The following GATAD2A variants were observed in gnomAD, a reference collection of about 807,000 sequenced individuals.
GATAD2A encodes transcriptional repressor p66-alpha.
Under a neutral mutation model 68.5 loss-of-function variants are expected in GATAD2A, and 12 were observed. The observed-to-expected ratio is 0.18, with a 90% confidence interval of 0.11 to 0.28. The LOEUF (loss-of-function observed/expected upper bound fraction) is 0.28, where lower values mean the gene tolerates loss of function less well. GATAD2A is among the 10% of genes least tolerant of loss of function. GATAD2A has a pLI of 1.00. For missense variants in GATAD2A, 755 were observed against 868.5 expected, an observed-to-expected ratio of 0.87 and a Z score of 1.64; for synonymous variants, 410 against 375.3, an observed-to-expected ratio of 1.09 and a Z score of -1.07.
In GATAD2A at chr19:19,505,880, C is replaced by T. The variant is rs1246965816; in HGVS notation, c.*406C>T. Reference sequence around the variant, plus strand: ...TGGGCAAGGCCAGCGCCCGGGGCTTCTGAACCGAGCGGGGTGTTTCATTTT... The same window carrying T: ...TGGGCAAGGCCAGCGCCCGGGGCTTTTGAACCGAGCGGGGTGTTTCATTTT... On this transcript the variant is annotated 3_prime_UTR_variant, in exon 12 of 12. Coordinates refer to ENST00000683918, the MANE Select transcript of GATAD2A (RefSeq NM_001384528.1). The T allele has an allele frequency of 2.5e-6, 1 of 400,402 alleles. No individual in the cohort carries two copies. Among genetic ancestry groups the T allele is most frequent in the African/African-American group, 2.1e-5 (1 of 48,632 alleles). The allele number at this position is 400,402 out of a possible 1,614,324, so 24.8% of individuals were successfully genotyped here.
chr19:19,390,522 T>C (rs1378756459), intron 1 of GATAD2A, among the ~76,000 whole-genome samples: 2 of 152,216 alleles, frequency 1.3e-5, no homozygotes, highest in Admixed American at 1.3e-4. Context: ...TTCTGTGTTC[T>C]GATACCAGAT....
At chr19:19,500,990 G>C in intron 8 of GATAD2A, 128 bp from the exon 9 acceptor site, 1 of 809,128 alleles carries the variant, frequency 1.2e-6, no homozygotes, top group Non-Finnish European at 2.0e-6. Context: ...TGTCATTGGT[G>C]CCCAGTAGGC....
At chr19:19,424,479 C>T (rs1053107291) in intron 1 of GATAD2A, among the ~76,000 whole-genome samples, 1 of 152,170 alleles carries the variant, frequency 6.6e-6, no homozygotes, top group East Asian at 1.9e-4. Context: ...GTCTGCCCCC[C>T]TCAGCCTCCC....
intron 8 of GATAD2A, among the ~76,000 whole-genome samples, chr19:19,500,195 T>C (rs2060433625): frequency 6.6e-6 from 1 of 152,184 alleles, no homozygotes; most frequent in African/African-American, 2.4e-5. Flanking sequence ...GCCCCCAGCC[T>C]CGCACCATGT....
intron 1 of GATAD2A, among the ~76,000 whole-genome samples, chr19:19,456,780 C>G (rs915778019): frequency 6.6e-6 from 1 of 152,162 alleles, no homozygotes; most frequent in Non-Finnish European, 1.5e-5. Flanking sequence ...TTGTACAGGT[C>G]CAGTGCTCCC....
At chr19:19,439,775 G>A (rs1410942297) in intron 1 of GATAD2A, among the ~76,000 whole-genome samples, 1 of 152,092 alleles carries the variant, frequency 6.6e-6, no homozygotes, top group Non-Finnish European at 1.5e-5. Context: ...TTGAACCCAG[G>A]AGGCGGAGGT....
At chr19:19,400,895 C>T (rs1468518747), upstream of GATAD2A, among the ~76,000 whole-genome samples, 1 of 152,078 alleles carries the variant, frequency 6.6e-6, no homozygotes, top group Non-Finnish European at 1.5e-5. Context: ...TGCCTGTAAT[C>T]CCAGCACTTT....
chr19:19,456,168 AAAAG>A (rs1216120727), intron 1 of GATAD2A, among the ~76,000 whole-genome samples: 3,647 of 139,072 alleles, frequency 0.026, 164 homozygotes, highest in African/African-American at 0.12. Flanking sequence ...AAAAAAAAAA[AAAAG>A]AGAGAAAAAG....
At chr19:19,422,936 C>T (rs1244470198) in intron 1 of GATAD2A, among the ~76,000 whole-genome samples, 1 of 152,142 alleles carries the variant, frequency 6.6e-6, no homozygotes, top group East Asian at 1.9e-4. Flanking sequence ...TGGTCTCGAT[C>T]TCCTGAACTC....
chr19:19,446,067 CTTTCCACTGT>C (rs2055678208), intron 1 of GATAD2A, among the ~76,000 whole-genome samples: 2 of 152,216 alleles, frequency 1.3e-5, no homozygotes, highest in African/African-American at 4.8e-5. Flanking sequence ...TACTGTTTTA[CTTTCCACTGT>C]TTTCCACGTC....
chr19:19,432,672 C>T (rs1404488002), intron 1 of GATAD2A, among the ~76,000 whole-genome samples: 5 of 152,156 alleles, frequency 3.3e-5, no homozygotes, highest in Admixed American at 2.0e-4. Flanking sequence ...GATGAAATGA[C>T]AGAACTAGGA....
chr19:19,455,109 A>G (rs1056011169), intron 1 of GATAD2A, among the ~76,000 whole-genome samples: 12 of 152,218 alleles, frequency 7.9e-5, no homozygotes, highest in Middle Eastern at 3.4e-3. Context: ...AATTCTAGCT[A>G]CTTGGGAGGC....
chr19:19,437,702 T>A (rs141412314), intron 1 of GATAD2A, among the ~76,000 whole-genome samples: 123 of 152,372 alleles, frequency 8.1e-4, no homozygotes, highest in African/African-American at 2.8e-3. Context: ...GCCTTTTGCG[T>A]CTGCCTTCTG....
intron 1 of GATAD2A, among the ~76,000 whole-genome samples, chr19:19,462,360 G>T (rs1487261528): frequency 6.6e-6 from 1 of 152,222 alleles, no homozygotes; most frequent in Admixed American, 6.5e-5. Flanking sequence ...AGTGGAGGAG[G>T]CTCCTGCCAA....
At chr19:19,407,201 T>C (rs7249940) in intron 1 of GATAD2A, among the ~76,000 whole-genome samples, 5,346 of 152,336 alleles carry the variant, frequency 0.035, 328 homozygotes, top group African/African-American at 0.12. Context: ...GTTGACTGAC[T>C]TAACTCTTCT....
chr19:19,453,778 G>A (rs1394280769), intron 1 of GATAD2A, among the ~76,000 whole-genome samples: 1 of 151,520 alleles, frequency 6.6e-6, no homozygotes, highest in Admixed American at 6.6e-5. Context: ...CTGGGTTCAA[G>A]CAGTTCTCCC....
chr19:19,427,823 G>C (rs1568275446), intron 1 of GATAD2A: 1 of 152,098 alleles, frequency 6.6e-6, no homozygotes, highest in African/African-American at 2.4e-5. Flanking sequence ...ACAGGCGTGC[G>C]TCACCACACC....
intron 2 of GATAD2A, among the ~76,000 whole-genome samples, chr19:19,467,426 G>A (rs1258810625): frequency 6.6e-6 from 1 of 152,108 alleles, no homozygotes; most frequent in Non-Finnish European, 1.5e-5. Flanking sequence ...ATGCTTGCTT[G>A]CTGCCACTGT....
At chr19:19,488,206 G>A (rs989180587) in intron 2 of GATAD2A, among the ~76,000 whole-genome samples, 3 of 152,256 alleles carry the variant, frequency 2.0e-5, no homozygotes, top group Admixed American at 6.5e-5. Flanking sequence ...AGACATTCAC[G>A]GGGCCAGCCC....
Sources: allele counts gnomAD v4.1 joint callset (sites outside exome capture counted in the v4.1 genomes callset), GRCh38; gene constraint gnomAD v4.1.1; transcripts MANE v1.5; gene names NCBI Gene and HGNC (gene_info 2026-07-23, HGNC 2026-07-21).